GLMN: variants seen among roughly 807,000 people sequenced by gnomAD.
GLMN encodes glomulin.
Under a neutral mutation model 87.8 loss-of-function variants are expected in GLMN, and 75 were observed. The observed-to-expected ratio is 0.85, with a 90% CI of 0.71 to 1.04. The LOEUF is 1.04. Among genes scored for constraint, GLMN ranks in the 50% least tolerant of loss-of-function variants. The pLI, the probability that GLMN is intolerant of heterozygous loss-of-function variation, is 0.00. For synonymous variants in GLMN, 206 were observed against 221.6 expected (o/e 0.93, Z 0.63); for missense variants, 588 against 658.8 (o/e 0.89, Z 1.18).
intron 16 of GLMN, among the ~76,000 whole-genome samples, chr1:92,251,570 G>T (rs957073337): frequency 9.9e-5 from 15 of 151,926 alleles, no homozygotes; most frequent in African/African-American, 3.4e-4. Context: ...AATCATAAAA[G>T]AATAAAATTG....
chr1:92,250,666 T>G (rs1653348922), intron 16 of GLMN, among the ~76,000 whole-genome samples: 1 of 152,180 alleles, frequency 6.6e-6, no homozygotes, highest in Non-Finnish European at 1.5e-5. Context: ...ATAACACATT[T>G]AATCTTAATA....
At chr1:92,275,523 C>T (rs1210855484) in intron 7 of GLMN, among the ~76,000 whole-genome samples, 3 of 152,204 alleles carry the variant, frequency 2.0e-5, no homozygotes, top group Non-Finnish European at 4.4e-5. Flanking sequence ...CCATTACCTT[C>T]CTACCCTTAG....
At chr1:92,363,188 G>T in the GLMN span, among the ~76,000 whole-genome samples, 1 of 152,180 alleles carries the variant, frequency 6.6e-6, no homozygotes, top group African/African-American at 2.4e-5. Context: ...CTCTTTTGAG[G>T]AACCTGATGA....
intron 16 of GLMN, among the ~76,000 whole-genome samples, chr1:92,260,315 T>G (rs998530569): frequency 7.9e-4 from 121 of 152,220 alleles, no homozygotes; most frequent in Non-Finnish European, 1.5e-3. Context: ...TAAAAACCAT[T>G]AAATGAGAGA....
At chr1:92,354,057 C>T in the GLMN span, among the ~76,000 whole-genome samples, 1 of 152,202 alleles carries the variant, frequency 6.6e-6, no homozygotes, top group South Asian at 2.1e-4. Context: ...GATGTGCACT[C>T]CAACTTCACT....
At chr1:92,354,905 T>TATA in the GLMN span, among the ~76,000 whole-genome samples, 1 of 149,468 alleles carries the variant, frequency 6.7e-6, no homozygotes, top group African/African-American at 2.4e-5. Context: ...TTATTATTAT[T>TATA]ATTATTATTA....
the GLMN span, among the ~76,000 whole-genome samples, chr1:92,315,419 C>T: frequency 6.6e-6 from 1 of 152,172 alleles, no homozygotes; most frequent in Non-Finnish European, 1.5e-5. Flanking sequence ...AATTACCAAA[C>T]TGTGACACAG....
In GLMN at chr1:92,289,027, A is replaced by G. The variant is rs146069171; in HGVS notation, c.519T>C (p.Leu173=). Reference sequence around the variant, plus strand: ...CTATTAAGGCCTTGCAACACTGACAAAGGCCATAGTCATCCATTTGTATTT... The same window carrying G: ...CTATTAAGGCCTTGCAACACTGACAGAGGCCATAGTCATCCATTTGTATTT... ...KEQIQMDDYG[L]CQCCKALIEF... Residue 173 remains leucine, a synonymous_variant, in exon 6 of 19, where the codon CTT becomes CTC. Transcript: ENST00000370360. 3.5e-4 allele frequency: 564 copies of G among 1,610,908 alleles called. 3 individuals are homozygous for G. The African/African-American group carries it at 6.6e-3, about 19-fold the overall frequency.
intron 7 of GLMN, among the ~76,000 whole-genome samples, chr1:92,281,291 A>G (rs1648014351): frequency 6.6e-6 from 1 of 152,238 alleles, no homozygotes; most frequent in South Asian, 2.1e-4. Flanking sequence ...CCTACAAGCC[A>G]GAAGAGAGTG....
At position 92,287,074 on chromosome 1, in the gene GLMN, G is replaced by A. The variant is rs1648848702; in HGVS notation, c.633-482C>T. 2.0e-5 allele frequency among the ~76,000 whole-genome samples: 3 copies of A among 152,240 alleles called. No homozygotes were observed. In the East Asian group the frequency reaches 5.8e-4, roughly 29 times the overall value. On this transcript the variant is annotated intron_variant, in intron 6 of 18. Coordinates refer to ENST00000370360, the MANE Select transcript of GLMN (RefSeq NM_053274.3). ...TGTAACGTCGTTCGTACTAGTAATG[G>A]GGAGAACATGAGAACACCTTGCTAG...
At chr1:92,359,763 C>A in the GLMN span, among the ~76,000 whole-genome samples, 3 of 152,068 alleles carry the variant, frequency 2.0e-5, no homozygotes, top group Non-Finnish European at 4.4e-5. Flanking sequence ...AAATCAGAGA[C>A]CTAGATTTTA....
chr1:92,252,235 G>T (rs1204592281), intron 16 of GLMN, among the ~76,000 whole-genome samples: 1 of 152,026 alleles, frequency 6.6e-6, no homozygotes, highest in Non-Finnish European at 1.5e-5. Context: ...TTCTCAAATG[G>T]AAATAATCAC....
chr1:92,322,937 TTATA>T, the GLMN span, among the ~76,000 whole-genome samples: 4 of 147,508 alleles, frequency 2.7e-5, no homozygotes, highest in African/African-American at 7.4e-5. Flanking sequence ...CATATATACT[TTATA>T]TATTATATAT....
chr1:92,270,422 A>C (rs1245800784), intron 8 of GLMN, among the ~76,000 whole-genome samples: 2 of 152,212 alleles, frequency 1.3e-5, no homozygotes, highest in Non-Finnish European at 2.9e-5. Flanking sequence ...TTTCATCTGT[A>C]AAATGAGAGA....
chr1:92,340,425 C>A, the GLMN span, among the ~76,000 whole-genome samples: 1 of 152,162 alleles, frequency 6.6e-6, no homozygotes, highest in Non-Finnish European at 1.5e-5. Context: ...GTTGAGAAAT[C>A]TTTTCAATCA....
chr1:92,327,692 C>T, the GLMN span, among the ~76,000 whole-genome samples: 17 of 150,346 alleles, frequency 1.1e-4, no homozygotes, highest in African/African-American at 1.7e-4. Context: ...TTCTATTCAT[C>T]GTGCTATTTG....
At chr1:92,250,617 T>C (rs1653343376) in intron 16 of GLMN, among the ~76,000 whole-genome samples, 1 of 152,212 alleles carries the variant, frequency 6.6e-6, no homozygotes, top group Non-Finnish European at 1.5e-5. Context: ...CGTTTATTTA[T>C]ATAGTTGAAA....
At chr1:92,324,282 A>G in the GLMN span, 2 of 1,614,120 alleles carry the variant, frequency 1.2e-6, no homozygotes, top group Non-Finnish European at 1.7e-6. Flanking sequence ...ATTTGAAAAA[A>G]GAAACTGAAA....
the GLMN span, among the ~76,000 whole-genome samples, chr1:92,344,639 G>A: frequency 6.6e-6 from 1 of 151,890 alleles, no homozygotes; most frequent in Admixed American, 6.6e-5. Flanking sequence ...TAAATAGCTG[G>A]GCTGTTTATA....
Sources: allele counts gnomAD v4.1 joint callset (sites outside exome capture counted in the v4.1 genomes callset), GRCh38; gene constraint gnomAD v4.1.1; transcripts MANE v1.5; gene names NCBI Gene and HGNC (gene_info 2026-07-23, HGNC 2026-07-21).